Variants in CLVS1 observed in about 807,000 individuals in gnomAD.
CLVS1 encodes the protein clavesin 1.
Under a neutral mutation model 33.1 loss-of-function variants are expected in CLVS1, and 10 were observed. That is an observed-to-expected ratio of 0.30 (90% CI 0.19 to 0.51). The LOEUF is 0.51. Ranked by LOEUF, CLVS1 falls within the 20% of genes least tolerant of loss-of-function variation. The probability of loss-of-function intolerance (pLI) is 0.97; values close to 1 mark genes in which losing one functional copy is unlikely to be tolerated. For missense variants in CLVS1, 343 were observed against 433.4 expected (o/e 0.79, Z 1.85); for synonymous variants, 163 against 166.1 (o/e 0.98, Z 0.14).
chr8:61,068,181 G>T (rs1327061799), intron 1 of CLVS1, among the ~76,000 whole-genome samples: 4 of 136,222 alleles, frequency 2.9e-5, no homozygotes, highest in Admixed American at 1.5e-4. Flanking sequence ...CCAATTAAAA[G>T]AATATATATG....
chr8:60,981,618 T>C, the CLVS1 span, among the ~76,000 whole-genome samples: 1 of 152,260 alleles, frequency 6.6e-6, no homozygotes, highest in Non-Finnish European at 1.5e-5. Flanking sequence ...ATATCTGGTG[T>C]TCCCTGGTGG....
the CLVS1 span, among the ~76,000 whole-genome samples, chr8:61,030,840 A>G: frequency 1.3e-5 from 2 of 152,228 alleles, no homozygotes; most frequent in Non-Finnish European, 2.9e-5. Flanking sequence ...CAGGCAGAAC[A>G]GTAGAAAGGT....
At chr8:61,304,874 G>A (rs1483456948) in intron 2 of CLVS1, among the ~76,000 whole-genome samples, 4 of 152,146 alleles carry the variant, frequency 2.6e-5, no homozygotes, top group Non-Finnish European at 5.9e-5. Context: ...TGTATCAAGT[G>A]GAAACAGATA....
At chr8:61,066,988 C>T (rs564249198) in intron 1 of CLVS1, among the ~76,000 whole-genome samples, 4 of 151,924 alleles carry the variant, frequency 2.6e-5, no homozygotes, top group African/African-American at 4.8e-5. Flanking sequence ...ACACTGAGCA[C>T]GTGCTGTGTG....
chr8:61,341,189 C>T (rs1812017852), intron 2 of CLVS1, among the ~76,000 whole-genome samples: 2 of 152,130 alleles, frequency 1.3e-5, no homozygotes, highest in African/African-American at 2.4e-5. Context: ...TTGTCATTTC[C>T]AGCCACCACA....
At chr8:61,153,456 A>G (rs1806583757) in intron 2 of CLVS1, among the ~76,000 whole-genome samples, 1 of 152,248 alleles carries the variant, frequency 6.6e-6, no homozygotes, top group Non-Finnish European at 1.5e-5. Flanking sequence ...GCTCTCCCAG[A>G]TGGTGGCTGT....
intron 1 of CLVS1, among the ~76,000 whole-genome samples, chr8:61,072,514 T>C (rs776747819): frequency 7.2e-5 from 11 of 152,228 alleles, no homozygotes; most frequent in Non-Finnish European, 1.5e-4. Context: ...ATTCCAAGCA[T>C]GCATCCAAAA....
At chr8:61,379,425 C>T (rs979394115) in intron 3 of CLVS1, among the ~76,000 whole-genome samples, 2 of 151,180 alleles carry the variant, frequency 1.3e-5, no homozygotes, top group Non-Finnish European at 2.9e-5. Context: ...ACAATACCTC[C>T]TGCAGGGACA....
chr8:61,035,376 C>T, the CLVS1 span, among the ~76,000 whole-genome samples: 4 of 151,776 alleles, frequency 2.6e-5, no homozygotes, highest in Non-Finnish European at 5.9e-5. Context: ...TTCACAAAGT[C>T]GACTGGTAAA....
intron 3 of CLVS1, among the ~76,000 whole-genome samples, chr8:61,390,139 A>T (rs915542556): frequency 6.6e-6 from 1 of 152,178 alleles, no homozygotes; most frequent in Non-Finnish European, 1.5e-5. Flanking sequence ...TTTCCTTTAA[A>T]TACTGCTAAT....
At chr8:61,192,083 A>G (rs1327381260) in intron 2 of CLVS1, among the ~76,000 whole-genome samples, 1 of 152,224 alleles carries the variant, frequency 6.6e-6, no homozygotes, top group African/African-American at 2.4e-5. Flanking sequence ...ATCCTAAGCC[A>G]AAAGAACAAA....
chr8:61,379,150 A>G (rs1813766104), intron 3 of CLVS1, among the ~76,000 whole-genome samples: 1 of 152,134 alleles, frequency 6.6e-6, no homozygotes, highest in African/African-American at 2.4e-5. Context: ...GTTGTGAGGG[A>G]GGGAGATCCT....
chr8:61,328,402 G>C (rs183850299), intron 2 of CLVS1, among the ~76,000 whole-genome samples: 65 of 152,208 alleles, frequency 4.3e-4, no homozygotes, highest in African/African-American at 1.5e-3. Flanking sequence ...AAAGGTGAGG[G>C]TCAACTTGGA....
chr8:61,164,448 C>T (rs920042448), intron 2 of CLVS1, among the ~76,000 whole-genome samples: 28 of 152,172 alleles, frequency 1.8e-4, no homozygotes, highest in Admixed American at 6.5e-5. Flanking sequence ...AAACTGTGTC[C>T]ACCCAAACAT....
intron 5 of CLVS1, among the ~76,000 whole-genome samples, chr8:61,479,779 G>C (rs1586034750): frequency 6.6e-6 from 1 of 152,266 alleles, no homozygotes; most frequent in East Asian, 1.9e-4. Flanking sequence ...TGTCCTTTCT[G>C]TTTGTTAGTT....
At chr8:61,093,427 T>C (rs1294901995) in intron 1 of CLVS1, among the ~76,000 whole-genome samples, 1 of 152,144 alleles carries the variant, frequency 6.6e-6, no homozygotes, top group Non-Finnish European at 1.5e-5. Context: ...CCAAAAACTG[T>C]GTGGGTCATT....
chr8:61,185,315 T>TA (rs1403489333), intron 2 of CLVS1, among the ~76,000 whole-genome samples: 1 of 151,336 alleles, frequency 6.6e-6, no homozygotes. Flanking sequence ...CTAATTTTTT[T>TA]TTTTTTTTTG....
intron 5 of CLVS1, 28 bp downstream of exon 5, chr8:61,458,570 C>A (rs750930447): frequency 1.2e-5 from 18 of 1,470,464 alleles, no homozygotes; most frequent in South Asian, 2.6e-5. Context: ...AGAGCCCCCC[C>A]CCCAGTCAGA....
chr8:60,973,237 G>A, the CLVS1 span, among the ~76,000 whole-genome samples: 1 of 152,214 alleles, frequency 6.6e-6, no homozygotes, highest in African/African-American at 2.4e-5. Context: ...AAAATGTTTA[G>A]TGAGCATGAT....
Sources: allele counts gnomAD v4.1 joint callset (sites outside exome capture counted in the v4.1 genomes callset), GRCh38; gene constraint gnomAD v4.1.1; transcripts MANE v1.5; gene names NCBI Gene and HGNC (gene_info 2026-07-23, HGNC 2026-07-21).